The following CHRM3 variants were observed in gnomAD, a reference collection of about 807,000 sequenced individuals.
CHRM3 encodes muscarinic acetylcholine receptor M3.
A neutral mutation model predicts 41.8 loss-of-function variants in CHRM3; 11 were observed. The ratio of observed to expected loss-of-function variants is 0.26; its 90% CI spans 0.17 to 0.44. The LOEUF is 0.44. Among genes scored for constraint, CHRM3 ranks in the 20% least tolerant of loss-of-function variants. The pLI is 1.00. For missense variants in CHRM3, 571 were observed against 745.4 expected (o/e 0.77, Z 2.72); for synonymous variants, 297 against 301.4 (o/e 0.99, Z 0.15).
At chr1:239,449,753 T>C (rs560688257) in intron 1 of CHRM3, among the ~76,000 whole-genome samples, 6 of 151,694 alleles carry the variant, frequency 4.0e-5, no homozygotes, top group Admixed American at 2.0e-4. Flanking sequence ...TGTGTGTGTG[T>C]GCGTGTGTGT....
intron 5 of CHRM3, among the ~76,000 whole-genome samples, chr1:239,743,328 G>C (rs111393056): frequency 0.019 from 2,864 of 152,180 alleles, 43 homozygotes; most frequent in Middle Eastern, 0.041. Context: ...TACTCTCTCA[G>C]ACAAGGGACA....
intron 6 of CHRM3, among the ~76,000 whole-genome samples, chr1:239,871,638 CCT>C (rs1676596519): frequency 6.6e-6 from 1 of 152,008 alleles, no homozygotes; most frequent in South Asian, 2.1e-4. Flanking sequence ...TTTCTTCTTC[CCT>C]CTGTTTTTTT....
chr1:239,392,335 G>A (rs1659109564), intron 1 of CHRM3, among the ~76,000 whole-genome samples: 1 of 152,126 alleles, frequency 6.6e-6, no homozygotes. Flanking sequence ...CCTCTCCCAA[G>A]CAATGTAATT....
intron 6 of CHRM3, among the ~76,000 whole-genome samples, chr1:239,858,606 A>G (rs1412557372): frequency 1.3e-5 from 2 of 151,500 alleles, no homozygotes; most frequent in Non-Finnish European, 2.9e-5. Flanking sequence ...GGTAGAATTT[A>G]TATAACGTAA....
At chr1:239,575,457 C>A (rs2148558257) in intron 3 of CHRM3, among the ~76,000 whole-genome samples, 1 of 152,226 alleles carries the variant, frequency 6.6e-6, no homozygotes, top group Non-Finnish European at 1.5e-5. Flanking sequence ...TTGTTAATAT[C>A]TTACAAGATT....
At chr1:239,426,304 G>T (rs1662378736) in intron 1 of CHRM3, among the ~76,000 whole-genome samples, 1 of 151,034 alleles carries the variant, frequency 6.6e-6, no homozygotes. Context: ...GCTTTTTCTA[G>T]CTCCTAACTC....
chr1:239,556,949 T>G (rs1242742423), intron 3 of CHRM3, among the ~76,000 whole-genome samples: 1 of 152,120 alleles, frequency 6.6e-6, no homozygotes, highest in African/African-American at 2.4e-5. Context: ...GGGACATTAG[T>G]TACAAGCTTA....
intron 3 of CHRM3, among the ~76,000 whole-genome samples, chr1:239,602,905 C>T (rs922634374): frequency 6.6e-6 from 1 of 152,052 alleles, no homozygotes; most frequent in African/African-American, 2.4e-5. Flanking sequence ...TTATTAAGTA[C>T]ACTGTTGTTC....
At chr1:239,849,623 G>A (rs1674538604) in intron 6 of CHRM3, among the ~76,000 whole-genome samples, 1 of 152,176 alleles carries the variant, frequency 6.6e-6, no homozygotes, top group Non-Finnish European at 1.5e-5. Flanking sequence ...CATAGTCTAA[G>A]CTAGTAGCAA....
intron 5 of CHRM3, among the ~76,000 whole-genome samples, chr1:239,679,566 G>A (rs1658356151): frequency 6.6e-6 from 1 of 152,082 alleles, no homozygotes; most frequent in Non-Finnish European, 1.5e-5. Context: ...GATGTATGAA[G>A]TAATTAACAG....
intron 3 of CHRM3, among the ~76,000 whole-genome samples, chr1:239,562,220 G>A (rs1013916630): frequency 1.3e-5 from 2 of 152,126 alleles, no homozygotes; most frequent in Non-Finnish European, 2.9e-5. Flanking sequence ...AAGGGGAAGG[G>A]GAAGGGAGGC....
chr1:239,904,523 G>T (rs975475718), intron 6 of CHRM3, among the ~76,000 whole-genome samples: 7 of 152,134 alleles, frequency 4.6e-5, no homozygotes, highest in East Asian at 1.9e-4. Flanking sequence ...TATCTGGATG[G>T]GGGGAGAGCA....
At chr1:239,614,894 TGA>T (rs1177496914) in intron 3 of CHRM3, among the ~76,000 whole-genome samples, 1 of 152,224 alleles carries the variant, frequency 6.6e-6, no homozygotes, top group Non-Finnish European at 1.5e-5. Context: ...TCCCAGAAGA[TGA>T]GTGTCTAATT....
intron 1 of CHRM3, among the ~76,000 whole-genome samples, chr1:239,486,832 C>G (rs1349642811): frequency 6.6e-6 from 1 of 152,154 alleles, no homozygotes; most frequent in Non-Finnish European, 1.5e-5. Context: ...TCTACTGCTG[C>G]GTACGGTAAT....
chr1:239,707,708 C>T (rs903315284), intron 5 of CHRM3: 1 of 152,040 alleles, frequency 6.6e-6, no homozygotes, highest in African/African-American at 2.4e-5. Flanking sequence ...TCCATAATTC[C>T]AGTAGACATT....
rs75898106 is a variant in CHRM3, at chr1:239,774,141, G to A, written c.-146-53111G>A. ...CTAAATCCTAGCATTTATGTGTCCC[G>A]TGATCAACATGCCAGTAATACCAGG... On this transcript the variant is annotated intron_variant, in intron 5 of 6. Coordinates refer to ENST00000676153, the MANE Select transcript of CHRM3 (RefSeq NM_001375978.1). 3.5e-3 allele frequency among the ~76,000 whole-genome samples: 527 copies of A among 152,210 alleles called. 5 individuals are homozygous for A. Among genetic ancestry groups the A allele is most frequent in the African/African-American group, 0.012 (492 of 41,530 alleles).
intron 6 of CHRM3, among the ~76,000 whole-genome samples, chr1:239,872,083 G>T (rs375230480): frequency 4.6e-5 from 7 of 152,166 alleles, no homozygotes; most frequent in East Asian, 1.9e-4. Context: ...GGTCTCTTGG[G>T]GATCTGCAGG....
chr1:239,768,687 G>A (rs1356597019), intron 5 of CHRM3, among the ~76,000 whole-genome samples: 2 of 152,004 alleles, frequency 1.3e-5, no homozygotes, highest in African/African-American at 2.4e-5. Flanking sequence ...GGCTGAGAAT[G>A]TTTTCCAGAT....
intron 4 of CHRM3, among the ~76,000 whole-genome samples, chr1:239,658,205 G>T (rs1672885879): frequency 6.6e-6 from 1 of 152,142 alleles, no homozygotes; most frequent in Non-Finnish European, 1.5e-5. Flanking sequence ...AAACAATAAA[G>T]CGAGTTTACT....
Sources: gnomAD v4.1 joint callset for allele counts (sites outside exome capture counted in the v4.1 genomes callset) on GRCh38, gnomAD v4.1.1 for gene constraint, MANE v1.5 for transcripts, NCBI Gene and HGNC (gene_info 2026-07-23, HGNC 2026-07-21) for gene names.